CLIP2: variants seen among roughly 807,000 people sequenced by gnomAD.
CLIP2 encodes the protein CAP-Gly domain containing linker protein 2, also known as CAP-Gly domain-containing linker protein 2.
A neutral mutation model predicts 111.7 loss-of-function variants in CLIP2; 41 were observed. The ratio of observed to expected loss-of-function variants is 0.37; its 90% CI spans 0.29 to 0.48. CLIP2 has a LOEUF of 0.48. Among genes scored for constraint, CLIP2 ranks in the 20% least tolerant of loss-of-function variants. The probability of loss-of-function intolerance (pLI) is 0.99; values close to 1 mark genes in which losing one functional copy is unlikely to be tolerated. For missense variants in CLIP2, 1,160 were observed against 1,422.1 expected (o/e 0.82, Z 2.96); for synonymous variants, 660 against 644.2 (o/e 1.02, Z -0.37).
intron 1 of CLIP2, among the ~76,000 whole-genome samples, chr7:74,293,841 C>T (rs1788093095): frequency 1.3e-5 from 2 of 151,996 alleles, no homozygotes; most frequent in South Asian, 4.1e-4. Context: ...CAGCCCTGCC[C>T]CGGGACAGGA....
At chr7:74,299,400 C>T (rs1731451877) in intron 1 of CLIP2, among the ~76,000 whole-genome samples, 1 of 152,058 alleles carries the variant, frequency 6.6e-6, no homozygotes, top group Admixed American at 6.6e-5. Context: ...AGTGACTGTC[C>T]TAATCCCTGG....
intron 1 of CLIP2, among the ~76,000 whole-genome samples, chr7:74,310,767 A>AG (rs1788622603): frequency 6.6e-6 from 1 of 151,322 alleles, no homozygotes; most frequent in Non-Finnish European, 1.5e-5. Flanking sequence ...GCTAGAGTGC[A>AG]GTGGCACAAT....
chr7:74,294,575 A>G (rs1410174084), intron 1 of CLIP2, among the ~76,000 whole-genome samples: 4 of 152,058 alleles, frequency 2.6e-5, no homozygotes, highest in Non-Finnish European at 5.9e-5. Flanking sequence ...TTTCCGGCTC[A>G]CCAGGAGGAG....
chr7:74,390,633 A>G (rs1223319718), intron 13 of CLIP2, among the ~76,000 whole-genome samples: 3 of 152,150 alleles, frequency 2.0e-5, no homozygotes, highest in African/African-American at 7.2e-5. Context: ...TTGCTACTGC[A>G]CTGCAGCCTG....
chr7:74,316,436 C>T (rs949060963), intron 1 of CLIP2, among the ~76,000 whole-genome samples: 7 of 151,562 alleles, frequency 4.6e-5, no homozygotes, highest in African/African-American at 1.5e-4. Context: ...TTTTCTGTAG[C>T]GACAAAGTCT....
At position 74,338,986 on chromosome 7, in the gene CLIP2, C is replaced by T. The variant is rs1554732833; in HGVS notation, c.660C>T (p.Arg220=). The change falls in exon 3 of 17, where the codon CGC becomes CGT. Residue 220 remains arginine (R), a synonymous_variant. Transcript: ENST00000223398. The surrounding 1 kb of genome is among the most constrained non-coding windows in gnomAD (Gnocchi z 4.3). ...TGAAGCGGGGCGAAAAGGACCTGCG[C>T]CTGGGGGACCGCGTGCTGGTGAGTG... ...GSVKRGEKDL[R]LGDRVLVGGT... 3.8e-6 allele frequency: 6 copies of T among 1,597,894 alleles called. No homozygotes were observed. The highest frequency in any genetic ancestry group is 1.7e-5 in the Admixed American group (1 of 59,984).
Position 74,376,095 on chromosome 7 carries a change from A to T in CLIP2, c.1694A>T (p.Asp565Val). 6.2e-7 allele frequency: 1 copy of T among 1,611,974 alleles called. No individual in the cohort carries two copies. Among genetic ancestry groups the T allele is most frequent in the Non-Finnish European group, 8.5e-7 (1 of 1,179,332 alleles). The stretch of plus-strand genomic sequence containing the variant: ...CAGAGGGAGAGTGGGGTGCTGCGGG[A>T]TAAATACGAGAAGGCCCTGAAGGCC... ...EHQRESGVLR[D>V]KYEKALKAYQ... The change falls in exon 10 of 17, where the codon GAT (aspartate) becomes GTT (valine). Residue 565 changes from aspartate to valine, a missense_variant. By Grantham distance (152) the Asp-to-Val change is radical. Transcript: ENST00000223398. The surrounding 1 kb of genome is among the most constrained non-coding windows in gnomAD (Gnocchi z 7.1).
Position 74,360,280 on chromosome 7 carries a change from T to C in CLIP2, c.1319+2T>C. On this transcript the variant is annotated splice_donor_variant, in intron 7 of 16. Transcript: ENST00000223398. LOFTEE classifies it high-confidence loss of function. Reference sequence around the variant, plus strand: ...CAACCAGCTGGAGGAGGAGAGGAGGTACGTGCTGGCCCACCCTCGCCCTGG... The same window carrying C: ...CAACCAGCTGGAGGAGGAGAGGAGGCACGTGCTGGCCCACCCTCGCCCTGG... 1.4e-5 allele frequency: 22 copies of C among 1,553,362 alleles called. No homozygotes were observed. Among genetic ancestry groups the C allele is most frequent in the Non-Finnish European group, 1.9e-5 (21 of 1,134,620 alleles).
rs782779017 is a variant in CLIP2 at position 74,376,081 on chromosome 7, T to A, written c.1680T>A (p.Ser560Arg). ...CCAGCAAGGAACACCAGAGGGAGAGTGGGGTGCTGCGGGATAAATACGAGA... is the reference window on the plus strand; with the variant it reads ...CCAGCAAGGAACACCAGAGGGAGAGAGGGGTGCTGCGGGATAAATACGAGA... ...LSASKEHQRE[S>R]GVLRDKYEKA... is the part of the protein sequence containing the mutation. The change falls in exon 10 of 17, where the codon AGT (serine) becomes AGA (arginine). Residue 560 changes from serine to arginine, a missense_variant. Ser to Arg is a moderately radical substitution (Grantham distance 110). This residue lies in a region of CLIP2 where 676 missense variants were observed against 777.8 expected (regional missense o/e 0.87). Coordinates refer to ENST00000223398, the MANE Select transcript of CLIP2 (RefSeq NM_003388.5). The surrounding 1 kb of genome is among the most constrained non-coding windows in gnomAD (Gnocchi z 7.1). 5.6e-5 allele frequency: 89 copies of A among 1,601,254 alleles called. No homozygotes were observed. The highest frequency in any genetic ancestry group is 7.2e-5 in the Non-Finnish European group (85 of 1,175,070).
intron 4 of CLIP2, among the ~76,000 whole-genome samples, chr7:74,354,366 C>A (rs547206632): frequency 6.6e-6 from 1 of 152,128 alleles, no homozygotes; most frequent in Non-Finnish European, 1.5e-5. Flanking sequence ...GTAATCCCAG[C>A]CTTTTGGGAG....
At chr7:74,302,495 G>A (rs1220199920) in intron 1 of CLIP2, among the ~76,000 whole-genome samples, 1 of 152,080 alleles carries the variant, frequency 6.6e-6, no homozygotes, top group Non-Finnish European at 1.5e-5. Context: ...GCCAGAAGAT[G>A]CCTCCTCTAA....
At chr7:74,329,008 GT>G (rs1284199261) in intron 2 of CLIP2, among the ~76,000 whole-genome samples, 1 of 150,432 alleles carries the variant, frequency 6.6e-6, no homozygotes, top group East Asian at 1.9e-4. Context: ...CGCCTCCCGG[GT>G]TCAGGCCATT....
chr7:74,391,812 T>G (rs1488807582), intron 13 of CLIP2, among the ~76,000 whole-genome samples: 2 of 151,426 alleles, frequency 1.3e-5, no homozygotes, highest in African/African-American at 4.9e-5. Flanking sequence ...AGAGTGAGAC[T>G]CTGTCTCAAA....
intron 3 of CLIP2, among the ~76,000 whole-genome samples, chr7:74,345,551 A>G (rs1204665029): frequency 2.0e-5 from 3 of 151,910 alleles, no homozygotes; most frequent in Admixed American, 2.0e-4. Context: ...TTAGAAAGTC[A>G]TAGGCCAGGC....
chr7:74,328,680 G>A (rs1554730920), intron 2 of CLIP2, among the ~76,000 whole-genome samples: 1 of 152,150 alleles, frequency 6.6e-6, no homozygotes, highest in Non-Finnish European at 1.5e-5. Flanking sequence ...GTAAAGTGCT[G>A]TACTCAAGGC....
rs773617195 is a variant in CLIP2, at chr7:74,348,410, C to T, written c.679-5470C>T. ...GTGGCTCATACCTGTAACCCCAGTG[C>T]GTTGGGAGGCTGAGATGGGAGGATC... On this transcript the variant is annotated intron_variant, in intron 3 of 16. Coordinates refer to ENST00000223398, the MANE Select transcript of CLIP2 (RefSeq NM_003388.5). Among the ~76,000 whole-genome samples, 18 of 151,950 alleles carry T rather than the reference C, an allele frequency of 1.2e-4. 1 individual carries two copies. Among genetic ancestry groups the T allele is most frequent in the Non-Finnish European group, 2.1e-4 (14 of 68,008 alleles).
chr7:74,341,421 TACCC>T, intron 3 of CLIP2, among the ~76,000 whole-genome samples: 1 of 151,992 alleles, frequency 6.6e-6, no homozygotes, highest in East Asian at 1.9e-4. Context: ...TCTCTTGACC[TACCC>T]ACCTCGGCCT....
chr7:74,325,149 T>C (rs1789075090), intron 2 of CLIP2, among the ~76,000 whole-genome samples: 2 of 152,210 alleles, frequency 1.3e-5, no homozygotes, highest in Non-Finnish European at 1.5e-5. Flanking sequence ...GGACAGGGCC[T>C]GGACTGGTGC....
At chr7:74,392,517 C>G (rs1769667726) in intron 13 of CLIP2, among the ~76,000 whole-genome samples, 1 of 151,696 alleles carries the variant, frequency 6.6e-6, no homozygotes, top group Admixed American at 6.6e-5. Flanking sequence ...GAGCAAGACC[C>G]TGTCTCAAAA....
Sources: gnomAD v4.1 joint callset for allele counts (sites outside exome capture counted in the v4.1 genomes callset) on GRCh38, gnomAD v4.1.1 for gene constraint, gnomAD v4.1.1 regional missense constraint, Gnocchi (gnomAD v3.1) non-coding constraint, MANE v1.5 for transcripts, NCBI Gene and HGNC (gene_info 2026-07-23, HGNC 2026-07-21) for gene names.